PCDHGB5: variants seen among roughly 807,000 people sequenced by gnomAD.
PCDHGB5 encodes protocadherin gamma-B5.
Under a neutral mutation model 62.9 loss-of-function variants are expected in PCDHGB5, and 48 were observed. That is an observed-to-expected ratio of 0.76 (90% confidence interval 0.61 to 0.97). The LOEUF (loss-of-function observed/expected upper bound fraction) is 0.97. Among genes scored for constraint, PCDHGB5 ranks in the 50% least tolerant of loss-of-function variants. The pLI, the probability that PCDHGB5 is intolerant of heterozygous loss-of-function variation, is 0.00. For synonymous variants in PCDHGB5, 474 were observed against 511.2 expected (o/e 0.93, Z 0.98); for missense variants, 1,118 against 1,198.6 (o/e 0.93, Z 0.99).
At chr5:141,492,710 G>A (rs11953270) in intron 1 of PCDHGB5, among the ~76,000 whole-genome samples, 27,341 of 152,278 alleles carry the variant, frequency 0.18, 2,647 homozygotes, top group Admixed American at 0.28. Flanking sequence ...GAAGCCTCGA[G>A]CAGGCGGACA....
At chr5:141,475,910 G>A in intron 1 of PCDHGB5, 1 of 588,414 alleles carries the variant, frequency 1.7e-6, no homozygotes, top group South Asian at 2.3e-5. Context: ...GTCGGCCAAT[G>A]AAGACGCTGG....
chr5:141,431,237 C>A lies in PCDHGB5; in HGVS notation c.2397+30713C>A. 1 of 1,614,170 alleles carries A rather than the reference C, an allele frequency of 6.2e-7. No homozygotes were observed. Among genetic ancestry groups the A allele is most frequent in the Non-Finnish European group, 8.5e-7 (1 of 1,180,044 alleles). The stretch of plus-strand genomic sequence containing the variant: ...GTTCCCTCTACCCCACGCCTGGGAT[C>A]CGGATATCGGGAAGAACTCTCTGCA... On this transcript the variant is annotated intron_variant, in intron 1 of 3. Transcript: ENST00000617380. The surrounding 1 kb of genome is among the most constrained non-coding windows in gnomAD (Gnocchi z 4.8).
chr5:141,449,066 A>G (rs1234801725), intron 1 of PCDHGB5, among the ~76,000 whole-genome samples: 3 of 152,188 alleles, frequency 2.0e-5, no homozygotes, highest in African/African-American at 4.8e-5. Context: ...GCGCTATTGA[A>G]TAGCCCTGTA....
In PCDHGB5 at chr5:141,433,363, CTATCT is replaced by C. The variant is rs2097590943; in HGVS notation, c.2397+32840_2397+32844del. On this transcript the variant is annotated intron_variant, in intron 1 of 3. Transcript: ENST00000617380. ...TGCAAGCCACCTACTGTCTGCCTAT[CTATCT>C]ATCTATCTATCTATCTATCTATCTA... 4 of 463,386 alleles carry C rather than the reference CTATCT, an allele frequency of 8.6e-6. No homozygotes were observed. The African/African-American group carries it at 1.1e-4, about 13-fold the overall frequency. 28.7% of individuals were successfully genotyped at this position (463,386 alleles called of 1,614,324 possible). A position where few individuals can be genotyped will look rare whatever the true frequency, so the allele number is the denominator to read the frequency against.
At chr5:141,413,820 C>T in intron 1 of PCDHGB5, 1 of 1,613,204 alleles carries the variant, frequency 6.2e-7, no homozygotes, top group Non-Finnish European at 8.5e-7. Flanking sequence ...ACCACCTGGT[C>T]CTCACCGCCT....
In PCDHGB5 at chr5:141,489,399, C is replaced by A. The variant is rs2099686689; in HGVS notation, c.2398-5408C>A. On this transcript the variant is annotated intron_variant, in intron 1 of 3. Coordinates refer to ENST00000617380, the MANE Select transcript of PCDHGB5 (RefSeq NM_018925.3). The surrounding 1 kb of genome is among the most constrained non-coding windows in gnomAD (Gnocchi z 4.5). ...TGGGGAATGTTGCTCAGGATCTGGGCTTAAAGATGACAGATCTGTTGAGCC... is the reference window on the plus strand; with the variant it reads ...TGGGGAATGTTGCTCAGGATCTGGGATTAAAGATGACAGATCTGTTGAGCC... 1 of 1,614,024 alleles carries A rather than the reference C, an allele frequency of 6.2e-7. No homozygotes were observed. Among genetic ancestry groups the A allele is most frequent in the African/African-American group, 1.3e-5 (1 of 74,910 alleles).
intron 2 of PCDHGB5, among the ~76,000 whole-genome samples, chr5:141,501,290 TACACAC>T (rs55762287): frequency 0.081 from 10,957 of 136,038 alleles, 480 homozygotes; most frequent in African/African-American, 0.13. Context: ...TATTCCCTTA[TACACAC>T]ACACACACAC....
At chr5:141,413,870 T>A (rs2095687151) in intron 1 of PCDHGB5, 1 of 1,613,268 alleles carries the variant, frequency 6.2e-7, no homozygotes, top group Admixed American at 1.7e-5. Context: ...ACTGTCCTTG[T>A]CAGTGTGACT....
chr5:141,426,363 C>T (rs994657779), intron 1 of PCDHGB5: 12 of 202,404 alleles, frequency 5.9e-5, no homozygotes, highest in East Asian at 4.4e-4. Context: ...CTTTGTTCTG[C>T]GGGGCACCCT....
At chr5:141,430,715 A>T in intron 1 of PCDHGB5, 1 of 1,483,384 alleles carries the variant, frequency 6.7e-7, no homozygotes, top group Non-Finnish European at 8.9e-7. Context: ...TCCTGACTTC[A>T]GTGGTTAAGG....
At position 141,512,523 on chromosome 5, in the gene PCDHGB5, T is replaced by A. The variant is rs1222752176; in HGVS notation, c.*1350T>A. 6.5e-6 allele frequency: 1 copy of A among 152,848 alleles called. No homozygotes were observed. The highest frequency in any genetic ancestry group is 1.5e-5 in the Non-Finnish European group (1 of 68,240). 9.5% of individuals were successfully genotyped at this position (152,848 alleles called of 1,614,324 possible). A position where few individuals can be genotyped will look rare whatever the true frequency, so the allele number is the denominator to read the frequency against. The stretch of plus-strand genomic sequence containing the variant: ...AGTGCGCCCCCTAGTGGCCATAGCC[T>A]GGTTAAAGTTCCCCAGTGCCTCCTT... On this transcript the variant is annotated 3_prime_UTR_variant, in exon 4 of 4. Transcript: ENST00000617380.
intron 2 of PCDHGB5, among the ~76,000 whole-genome samples, chr5:141,499,146 C>T (rs1415999012): frequency 1.3e-5 from 2 of 152,132 alleles, no homozygotes; most frequent in African/African-American, 4.8e-5. Flanking sequence ...GTGTCTGATC[C>T]CAATAGCTGT....
chr5:141,407,591 C>T (rs878883569), intron 1 of PCDHGB5, among the ~76,000 whole-genome samples: 1 of 151,680 alleles, frequency 6.6e-6, no homozygotes, highest in Non-Finnish European at 1.5e-5. Flanking sequence ...CTTAATGTCT[C>T]ATCTTAAAAA....
intron 1 of PCDHGB5, chr5:141,413,829 C>T (rs923860929): frequency 1.1e-5 from 18 of 1,613,176 alleles, no homozygotes; most frequent in Non-Finnish European, 1.4e-5. Flanking sequence ...TCCTCACCGC[C>T]TCCGACGGGG....
intron 1 of PCDHGB5, 193 bp downstream of exon 1, chr5:141,400,717 G>A: frequency 1.5e-6 from 1 of 672,320 alleles, no homozygotes; most frequent in Non-Finnish European, 2.5e-6. Context: ...TAGCCTTATA[G>A]ATTTACAAAG....
At chr5:141,403,146 G>T (rs1400601984) in intron 1 of PCDHGB5, 2 of 1,614,056 alleles carry the variant, frequency 1.2e-6, no homozygotes, top group Middle Eastern at 1.6e-4. Context: ...CGCCGAGTCC[G>T]CATCGTCTCT....
intron 1 of PCDHGB5, 148 bp from the exon 2 acceptor site, chr5:141,494,659 T>C (rs749872848): frequency 2.3e-4 from 343 of 1,488,556 alleles, no homozygotes; most frequent in Non-Finnish European, 2.9e-4. Flanking sequence ...ATTTTGTCTT[T>C]GGAGATGAGT....
intron 1 of PCDHGB5, among the ~76,000 whole-genome samples, chr5:141,437,550 A>T (rs866913156): frequency 6.6e-6 from 1 of 152,192 alleles, no homozygotes; most frequent in African/African-American, 2.4e-5. Context: ...AGTTTTCTTT[A>T]TGACATGTAA....
chr5:141,421,342 G>A (rs199737254), intron 1 of PCDHGB5: 25 of 1,613,872 alleles, frequency 1.5e-5, no homozygotes, highest in Non-Finnish European at 1.9e-5. Context: ...GGTGCCAGAA[G>A]AGACCGAAAA....
Sources: gnomAD v4.1 joint callset for allele counts (sites outside exome capture counted in the v4.1 genomes callset) on GRCh38, gnomAD v4.1.1 for gene constraint, Gnocchi (gnomAD v3.1) non-coding constraint, MANE v1.5 for transcripts, NCBI Gene and HGNC (gene_info 2026-07-23, HGNC 2026-07-21) for gene names.